The following ZFAT variants were observed in gnomAD, a reference collection of about 807,000 sequenced individuals.
ZFAT encodes zinc finger protein ZFAT.
ZFAT carries 64 observed loss-of-function variants against 117.7 expected under a neutral mutation model. That is an observed-to-expected ratio of 0.54 (90% confidence interval 0.44 to 0.67). The LOEUF (loss-of-function observed/expected upper bound fraction) is 0.67. Ranked by LOEUF, ZFAT falls within the 30% of genes least tolerant of loss-of-function variation. ZFAT has a pLI of 0.00. For missense variants in ZFAT, 1,433 were observed against 1,584.5 expected (o/e 0.90, Z 1.62); for synonymous variants, 679 against 615.0 (o/e 1.10, Z -1.54).
At chr8:134,535,724 G>A (rs908208742) in intron 11 of ZFAT, among the ~76,000 whole-genome samples, 6 of 151,912 alleles carry the variant, frequency 3.9e-5, no homozygotes, top group Non-Finnish European at 8.8e-5. Context: ...GGCAAAATTT[G>A]TCGGGCTTTC....
chr8:134,653,414 T>G lies in ZFAT; in HGVS notation c.196+4147A>C, dbSNP rs1053963023. ...CTGGGACTACAGGCACAAGCCGTTT[T>G]ATCTGTTTTTTTTTTTTTTTTTTTT... On this transcript the variant is annotated intron_variant, in intron 2 of 15. Transcript: ENST00000377838. Among the ~76,000 whole-genome samples, 3 of 145,398 alleles carry G rather than the reference T, an allele frequency of 2.1e-5. No individual in the cohort carries two copies. In the South Asian group the frequency reaches 6.5e-4, roughly 31 times the overall value.
chr8:134,564,529 G>A (rs1035463623), intron 11 of ZFAT, among the ~76,000 whole-genome samples: 1 of 152,224 alleles, frequency 6.6e-6, no homozygotes, highest in African/African-American at 2.4e-5. Context: ...TGCAAGTCCA[G>A]AGGGACAAAA....
At chr8:134,687,648 G>T (rs893041250) in intron 1 of ZFAT, among the ~76,000 whole-genome samples, 1 of 152,014 alleles carries the variant, frequency 6.6e-6, no homozygotes, top group African/African-American at 2.4e-5. Context: ...CCCTGGACAC[G>T]ACAGCTCCCC....
chr8:134,592,206 T>G (rs1020562450), intron 7 of ZFAT, among the ~76,000 whole-genome samples: 3 of 152,216 alleles, frequency 2.0e-5, no homozygotes, highest in African/African-American at 7.2e-5. Flanking sequence ...CCTTGTGTGA[T>G]GAATGCTCTC....
chr8:134,682,671 T>TA (rs1833127941), intron 1 of ZFAT, among the ~76,000 whole-genome samples: 1 of 150,566 alleles, frequency 6.6e-6, no homozygotes, highest in Non-Finnish European at 1.5e-5. Context: ...AAAATAAAAT[T>TA]AAATTAAATT....
intron 11 of ZFAT, among the ~76,000 whole-genome samples, chr8:134,541,354 C>T (rs558293042): frequency 2.0e-5 from 3 of 152,276 alleles, no homozygotes; most frequent in South Asian, 4.1e-4. Context: ...CACTAGTACA[C>T]GAACACGCTC....
chr8:134,600,393 G>A (rs374735220), intron 7 of ZFAT, 43 bp downstream of exon 7: 36 of 1,538,350 alleles, frequency 2.3e-5, no homozygotes, highest in Non-Finnish European at 3.1e-5. Context: ...AAAGCAATGA[G>A]CACCCAGGGG....
chr8:134,770,578 G>A, the ZFAT span, among the ~76,000 whole-genome samples: 1 of 152,134 alleles, frequency 6.6e-6, no homozygotes, highest in African/African-American at 2.4e-5. Flanking sequence ...TGTAGAACAT[G>A]TGTGTTTAAA....
chr8:134,519,428 G>A (rs11993463), intron 13 of ZFAT, among the ~76,000 whole-genome samples: 25,632 of 152,028 alleles, frequency 0.17, 2,307 homozygotes, highest in Non-Finnish European at 0.19. Flanking sequence ...CTGATTTTAT[G>A]TATGTATATA....
At chr8:134,568,223 A>G (rs118049794) in intron 10 of ZFAT, among the ~76,000 whole-genome samples, 3,574 of 152,376 alleles carry the variant, frequency 0.023, 71 homozygotes, top group Non-Finnish European at 0.034. Flanking sequence ...CCAAAATTCT[A>G]AATTTTATTA....
At chr8:134,653,009 A>G (rs1206746081) in intron 2 of ZFAT, among the ~76,000 whole-genome samples, 1 of 152,082 alleles carries the variant, frequency 6.6e-6, no homozygotes, top group African/African-American at 2.4e-5. Context: ...GAGAGAAAAC[A>G]TATGTCATCA....
At chr8:134,679,988 T>C (rs1447610435) in intron 1 of ZFAT, among the ~76,000 whole-genome samples, 1 of 151,930 alleles carries the variant, frequency 6.6e-6, no homozygotes, top group East Asian at 1.9e-4. Context: ...AAATACCTAA[T>C]GCAGATGACA....
At chr8:134,636,235 G>C (rs968464317) in intron 3 of ZFAT, among the ~76,000 whole-genome samples, 3 of 152,202 alleles carry the variant, frequency 2.0e-5, no homozygotes, top group African/African-American at 7.2e-5. Context: ...GAGTAGGATG[G>C]CCTGGGTTCA....
chr8:134,759,723 C>T, the ZFAT span, among the ~76,000 whole-genome samples: 3 of 151,952 alleles, frequency 2.0e-5, no homozygotes, highest in African/African-American at 4.8e-5. Context: ...TGCCTATAAT[C>T]CCTGAAATTT....
At chr8:134,599,998 C>G (rs1331104468) in intron 7 of ZFAT, 4 of 371,640 alleles carry the variant, frequency 1.1e-5, no homozygotes, top group Admixed American at 3.7e-5. Context: ...CAGTGGTCAT[C>G]AACATCTACT....
Position 134,627,709 on chromosome 8 carries a change from G to T in ZFAT, c.448+9752C>A, listed in dbSNP as rs899635737. Among the ~76,000 whole-genome samples, 11 of 152,266 alleles carry T rather than the reference G, an allele frequency of 7.2e-5. No individual in the cohort carries two copies. In the East Asian group the frequency reaches 1.3e-3, roughly 19 times the overall value. On this transcript the variant is annotated intron_variant, in intron 3 of 15. Transcript: ENST00000377838. ...TACAGTTCTTGTGTCTGCTGTATGA[G>T]AATCCATATTTTCACTCAAAAGATA...
the ZFAT span, among the ~76,000 whole-genome samples, chr8:134,758,836 A>G: frequency 1.3e-5 from 2 of 152,200 alleles, no homozygotes; most frequent in African/African-American, 4.8e-5. Context: ...TCCGTGGCAC[A>G]TCACTGCCCC....
chr8:134,774,613 C>G, the ZFAT span, among the ~76,000 whole-genome samples: 1 of 152,218 alleles, frequency 6.6e-6, no homozygotes. Context: ...GCACACCTAA[C>G]AGACTACAGT....
chr8:134,603,597 T>C (rs1391049399), intron 5 of ZFAT, among the ~76,000 whole-genome samples: 2 of 152,232 alleles, frequency 1.3e-5, no homozygotes, highest in East Asian at 1.9e-4. Flanking sequence ...TTTCTTCACA[T>C]CCTTACTTCT....
Sources: allele counts gnomAD v4.1 joint callset (sites outside exome capture counted in the v4.1 genomes callset), GRCh38; gene constraint gnomAD v4.1.1; transcripts MANE v1.5; gene names NCBI Gene and HGNC (gene_info 2026-07-23, HGNC 2026-07-21).